MAN1A1: variants seen among roughly 807,000 people sequenced by gnomAD.
The protein encoded by MAN1A1 is mannosidase alpha class 1A member 1.
MAN1A1 carries 29 observed loss-of-function variants against 70.8 expected under a neutral mutation model. The ratio of observed to expected loss-of-function variants is 0.41; its 90% confidence interval spans 0.31 to 0.56. The LOEUF (loss-of-function observed/expected upper bound fraction) is 0.56. Among genes scored for constraint, MAN1A1 ranks in the 20% least tolerant of loss-of-function variants. The pLI, the probability that MAN1A1 is intolerant of heterozygous loss-of-function variation, is 0.29. For synonymous variants in MAN1A1, 349 were observed against 330.1 expected (o/e 1.06, Z -0.62); for missense variants, 747 against 841.3 (o/e 0.89, Z 1.39).
intron 2 of MAN1A1, among the ~76,000 whole-genome samples, chr6:119,342,480 G>T (rs1006020166): frequency 2.0e-5 from 3 of 152,134 alleles, no homozygotes; most frequent in African/African-American, 7.2e-5. Flanking sequence ...CCAACAAAGT[G>T]GGTACTATTA....
intron 2 of MAN1A1, among the ~76,000 whole-genome samples, chr6:119,314,372 T>C (rs1161414316): frequency 6.6e-6 from 1 of 152,142 alleles, no homozygotes; most frequent in Non-Finnish European, 1.5e-5. Context: ...CATCATGGGT[T>C]ATGGAGGCCG....
At position 119,302,636 on chromosome 6, in the gene MAN1A1, T is replaced by C. The variant is rs541624700; in HGVS notation, c.701-533A>G. 1.3e-3 allele frequency among the ~76,000 whole-genome samples: 203 copies of C among 152,140 alleles called. 1 individual carries two copies. The highest frequency in any genetic ancestry group is 4.8e-3 in the African/African-American group (199 of 41,486). On this transcript the variant is annotated intron_variant, in intron 3 of 12. Coordinates refer to ENST00000368468, the MANE Select transcript of MAN1A1 (RefSeq NM_005907.4). ...ACCTCATAATCCACCCACCTAGGCCTCCCAAAGTGCTGAGATTACAGGTGT... is the reference window on the plus strand; with the variant it reads ...ACCTCATAATCCACCCACCTAGGCCCCCCAAAGTGCTGAGATTACAGGTGT...
intron 6 of MAN1A1, among the ~76,000 whole-genome samples, chr6:119,217,470 CAG>C (rs1357173334): frequency 7.9e-5 from 12 of 152,206 alleles, no homozygotes; most frequent in Admixed American, 2.0e-4. Flanking sequence ...TTAGTGGAAA[CAG>C]GGTTTCACCA....
At chr6:119,293,001 T>C (rs1405503920) in intron 4 of MAN1A1, among the ~76,000 whole-genome samples, 1 of 151,874 alleles carries the variant, frequency 6.6e-6, no homozygotes, top group African/African-American at 2.4e-5. Flanking sequence ...AACCCTCAAA[T>C]CATATTCCTC....
At chr6:119,313,321 C>G (rs1226989913) in intron 2 of MAN1A1, among the ~76,000 whole-genome samples, 7 of 152,142 alleles carry the variant, frequency 4.6e-5, no homozygotes, top group Non-Finnish European at 1.0e-4. Context: ...GTCCTCACAT[C>G]ATTCCTCAGT....
chr6:119,225,802 A>G (rs530529767), intron 6 of MAN1A1, among the ~76,000 whole-genome samples: 1 of 152,348 alleles, frequency 6.6e-6, no homozygotes. Flanking sequence ...AAACAACAAT[A>G]TATCTGATGA....
intron 2 of MAN1A1, among the ~76,000 whole-genome samples, chr6:119,310,979 G>C (rs1007983329): frequency 1.3e-5 from 2 of 152,198 alleles, no homozygotes; most frequent in Non-Finnish European, 2.9e-5. Flanking sequence ...AGGCGTAAAA[G>C]CGGGTCACGG....
rs572911968 is a variant in MAN1A1 at position 119,275,737 on chromosome 6, C to G, written c.897+14946G>C. Among the ~76,000 whole-genome samples, 26 of 152,302 alleles carry G rather than the reference C, an allele frequency of 1.7e-4. No individual in the cohort carries two copies. In the South Asian group the frequency reaches 5.2e-3, roughly 30 times the overall value. On this transcript the variant is annotated intron_variant, in intron 5 of 12. Transcript: ENST00000368468. ...GATTACAGGCGTGAGCCACTGTGCC[C>G]GGCAACTGCTATTTCATTTTTATGA...
At chr6:119,252,143 A>G (rs1775334804) in intron 5 of MAN1A1, among the ~76,000 whole-genome samples, 1 of 152,220 alleles carries the variant, frequency 6.6e-6, no homozygotes, top group Non-Finnish European at 1.5e-5. Flanking sequence ...CACTCAATAG[A>G]TGTTCATTTA....
chr6:119,350,503 C>A (rs1773884409), upstream of MAN1A1: 1 of 985,064 alleles, frequency 1.0e-6, no homozygotes, highest in African/African-American at 1.7e-5. Context: ...CTCCCGCCCA[C>A]CCGTACTTTC....
chr6:119,207,250 C>G lies in MAN1A1; in HGVS notation c.993-2368G>C, dbSNP rs191504660. 2.6e-5 allele frequency among the ~76,000 whole-genome samples: 4 copies of G among 152,158 alleles called. 1 individual carries two copies. The highest frequency in any genetic ancestry group is 4.2e-4 in the South Asian group (2 of 4,806). On this transcript the variant is annotated intron_variant, in intron 6 of 12. Transcript: ENST00000368468. The stretch of plus-strand genomic sequence containing the variant: ...GGTACTCTTTTCTGTCACCACCCCC[C>G]CAACCCCCAACCACGGAAGCAAGAA...
intron 6 of MAN1A1, chr6:119,210,960 T>C (rs1283741826): frequency 6.7e-6 from 3 of 448,048 alleles, no homozygotes; most frequent in African/African-American, 6.1e-5. Context: ...TGAGTCTTTT[T>C]AAAACTGGGG....
chr6:119,251,583 G>A (rs1416001346), intron 5 of MAN1A1, among the ~76,000 whole-genome samples: 1 of 152,142 alleles, frequency 6.6e-6, no homozygotes, highest in Non-Finnish European at 1.5e-5. Context: ...ACCATACAAT[G>A]CAGTCTTTGA....
intron 2 of MAN1A1, among the ~76,000 whole-genome samples, chr6:119,311,658 TGAG>T (rs1247068505): frequency 6.6e-6 from 1 of 151,832 alleles, no homozygotes; most frequent in Non-Finnish European, 1.5e-5. Flanking sequence ...AGGCTTAGGG[TGAG>T]GAGGTCACCA....
intron 11 of MAN1A1, among the ~76,000 whole-genome samples, chr6:119,185,844 GTTTTT>G (rs63362861): frequency 9.8e-5 from 13 of 132,144 alleles, no homozygotes; most frequent in Admixed American, 3.0e-4. Context: ...TGGCCTCCCA[GTTTTT>G]TTTTTTTTTT....
rs770420569 is a variant in MAN1A1 at position 119,348,893 on chromosome 6, G to A, written c.173C>T (p.Ala58Val). The change falls in exon 2 of 13, where the codon GCG (alanine) becomes GTG (valine). Residue 58 changes from alanine (A) to valine (V), a missense_variant. This residue lies in a region of MAN1A1 where 328 missense variants were observed against 293.1 expected (regional missense o/e 1.12). Transcript: ENST00000368468. ...GGAGGAGTCTGGCAGGAAGAAGATC[G>A]CCCCGAAGCAGAGCGTGATGAAGGC... is the stretch of plus-strand genomic sequence containing the variant. ...FSAFITLCFGAIFFLPDSSKL... is the reference protein window; with the variant it reads ...FSAFITLCFGVIFFLPDSSKL... 5.0e-5 allele frequency: 76 copies of A among 1,535,144 alleles called. No individual in the cohort carries two copies. Among genetic ancestry groups the A allele is most frequent in the Non-Finnish European group, 1.2e-5 (14 of 1,142,394 alleles).
chr6:119,321,617 A>T (rs1375382687), intron 2 of MAN1A1, among the ~76,000 whole-genome samples: 1 of 133,290 alleles, frequency 7.5e-6, no homozygotes. Flanking sequence ...ATGGCCTGCA[A>T]TTTTTTTTTT....
chr6:119,186,773 G>T (rs1211396444), intron 11 of MAN1A1, among the ~76,000 whole-genome samples: 1 of 152,154 alleles, frequency 6.6e-6, no homozygotes, highest in East Asian at 1.9e-4. Flanking sequence ...AGGCCACGGG[G>T]GTGGGCATAA....
intron 5 of MAN1A1, among the ~76,000 whole-genome samples, chr6:119,274,086 AG>A (rs1775992918): frequency 6.6e-6 from 1 of 152,198 alleles, no homozygotes; most frequent in Non-Finnish European, 1.5e-5. Context: ...AAAACTCCTG[AG>A]AGATGCCAGG....
Sources: gnomAD v4.1 joint callset for allele counts (sites outside exome capture counted in the v4.1 genomes callset) on GRCh38, gnomAD v4.1.1 for gene constraint, gnomAD v4.1.1 regional missense constraint, MANE v1.5 for transcripts, NCBI Gene and HGNC (gene_info 2026-07-23, HGNC 2026-07-21) for gene names.